ZNF766: variants seen among roughly 807,000 people sequenced by gnomAD.
The protein encoded by ZNF766 is zinc finger protein 766.
ZNF766 carries 13 observed loss-of-function variants against 13.2 expected under a neutral mutation model. That is an observed-to-expected ratio of 0.98 (90% confidence interval 0.64 to 1.56). The LOEUF (loss-of-function observed/expected upper bound fraction) is 1.56. Among genes scored for constraint, ZNF766 ranks in the 40% most tolerant of loss-of-function variants. The probability of loss-of-function intolerance (pLI) is 0.00; values close to 1 mark genes in which losing one functional copy is unlikely to be tolerated. For missense variants in ZNF766, 521 were observed against 552.2 expected (o/e 0.94, Z 0.57); for synonymous variants, 178 against 187.6 (o/e 0.95, Z 0.42).
chr19:52,270,010 T>G (rs1980905965), intron 1 of ZNF766, among the ~76,000 whole-genome samples: 1 of 152,170 alleles, frequency 6.6e-6, no homozygotes, highest in Non-Finnish European at 1.5e-5. Flanking sequence ...CCGCGTCCTC[T>G]GCCTGGTCTG....
chr19:52,283,250 T>C (rs377284999), intron 2 of ZNF766, 35 bp from the exon 3 acceptor site: 1 of 1,604,716 alleles, frequency 6.2e-7, no homozygotes, highest in African/African-American at 1.3e-5. Context: ...TTTGGAGACA[T>C]CACAGCACAT....
chr19:52,279,795 T>TC (rs1282583180), intron 1 of ZNF766, among the ~76,000 whole-genome samples: 4 of 135,514 alleles, frequency 3.0e-5, no homozygotes, highest in Non-Finnish European at 4.8e-5. Context: ...TTTTCTTTTT[T>TC]TTTTTTTTTT....
intron 1 of ZNF766, among the ~76,000 whole-genome samples, chr19:52,279,759 CTA>C (rs1368983964): frequency 1.6e-5 from 1 of 63,194 alleles, no homozygotes; most frequent in East Asian, 4.7e-4. Flanking sequence ...GTTCAAGTTT[CTA>C]TGTTTTTTTT....
Position 52,290,518 on chromosome 19 carries a change from T to TA in ZNF766, c.728dup (p.Tyr243Ter), listed in dbSNP as rs1213776861. ...GAGAATTCGTACAGGAGAGAAACCT[T>TA]ACAAATGTAAAGAGTGTGGCAAGCT... ...HWRIRTGEKP[Y>*]KCKECGKLFN... The change falls in exon 4 of 4, where the codon TAC becomes TAAC. Residue 243 changes from tyrosine (Y) to a stop codon, truncating the protein, a stop_gained and frameshift_variant. Transcript: ENST00000439461. LOFTEE classifies it low-confidence loss of function (END_TRUNC). 1 of 1,614,050 alleles carries TA rather than the reference T, an allele frequency of 6.2e-7. No homozygotes were observed. The highest frequency in any genetic ancestry group is 1.3e-5 in the African/African-American group (1 of 74,926).
chr19:52,280,753 T>C (rs1044994852), intron 1 of ZNF766, among the ~76,000 whole-genome samples: 5 of 151,886 alleles, frequency 3.3e-5, no homozygotes, highest in Non-Finnish European at 7.4e-5. Flanking sequence ...CAGCTAATTA[T>C]TATATTTTTA....
chr19:52,291,761 C>CA lies in ZNF766; in HGVS notation c.*578dup, dbSNP rs201865622. On this transcript the variant is annotated 3_prime_UTR_variant, in exon 4 of 4. Coordinates refer to ENST00000439461, the MANE Select transcript of ZNF766 (RefSeq NM_001010851.3). Reference sequence around the variant, plus strand: ...TGGGTGACAGAGCGAGACTCCGTCTCAAAAAAAAAAAAAAATTATTTGGGT... The same window carrying CA: ...TGGGTGACAGAGCGAGACTCCGTCTCAAAAAAAAAAAAAAAATTATTTGGGT... The CA allele has an allele frequency of 8.8e-3, 1,202 of 136,634 alleles. 7 individuals are homozygous for CA. Among genetic ancestry groups the CA allele is most frequent in the African/African-American group, 0.016 (551 of 35,248 alleles). 8.5% of individuals were successfully genotyped at this position (136,634 alleles called of 1,614,324 possible).
Position 52,291,488 on chromosome 19 carries a change from G to C in ZNF766, c.*290G>C, listed in dbSNP as rs145178801. ...TTAAAAATGTAATTGGCTGGGCGCA[G>C]TGGCTCACACCTGTAATCCTAGCAC... On this transcript the variant is annotated 3_prime_UTR_variant, in exon 4 of 4. Coordinates refer to ENST00000439461, the MANE Select transcript of ZNF766 (RefSeq NM_001010851.3). 2.8e-3 allele frequency: 813 copies of C among 290,050 alleles called. 10 individuals carry two copies. The highest frequency in any genetic ancestry group is 0.015 in the African/African-American group (707 of 46,052). The allele number at this position is 290,050 out of a possible 1,614,324, so 18.0% of individuals were successfully genotyped here. A position where few individuals can be genotyped will look rare whatever the true frequency, so the allele number is the denominator to read the frequency against.
chr19:52,284,382 G>C (rs1234206860), intron 3 of ZNF766, among the ~76,000 whole-genome samples: 2 of 152,156 alleles, frequency 1.3e-5, no homozygotes, highest in African/African-American at 4.8e-5. Flanking sequence ...ACAGGCTGCT[G>C]TCTTTTGCAT....
At chr19:52,286,035 C>T (rs1235713416) in intron 3 of ZNF766, among the ~76,000 whole-genome samples, 3 of 151,490 alleles carry the variant, frequency 2.0e-5, no homozygotes, top group Admixed American at 6.6e-5. Context: ...GGATGTGCAC[C>T]CAGTCAGTAA....
intron 3 of ZNF766, chr19:52,288,137 C>T (rs964170374): frequency 6.2e-6 from 2 of 322,412 alleles, no homozygotes; most frequent in African/African-American, 2.3e-5. Flanking sequence ...TCTCCTGCCT[C>T]AGCCTCCCAA....
Position 52,290,078 on chromosome 19 carries a change from C to A in ZNF766, c.287C>A (p.Ala96Glu), listed in dbSNP as rs780232217. The A allele has an allele frequency of 6.2e-7, 1 of 1,609,716 alleles. No homozygotes were observed. The highest frequency in any genetic ancestry group is 1.7e-5 in the Admixed American group (1 of 59,610). The change falls in exon 4 of 4, where the codon GCA becomes GAA. Residue 96 changes from alanine to glutamate, a missense_variant. Physicochemically the swap from Ala to Glu is moderately radical, Grantham distance 107 (BLOSUM62 -1). Coordinates refer to ENST00000439461, the MANE Select transcript of ZNF766 (RefSeq NM_001010851.3). The stretch of plus-strand genomic sequence containing the variant: ...CTTGCTTTCCTAGGGAGGAGCTGTG[C>A]AGTGAGAAGCAAAGCAGGAAACAAG... ...IKDINTGRSC[A>E]VRSKAGNKPI... is the part of the protein sequence containing the mutation.
At chr19:52,286,897 T>G (rs55739718) in intron 3 of ZNF766, among the ~76,000 whole-genome samples, 12,957 of 152,148 alleles carry the variant, frequency 0.085, 1,217 homozygotes, top group African/African-American at 0.23. Flanking sequence ...GTGCAGTGGC[T>G]TGATCTCGGC....
chr19:52,291,552 T>C lies in ZNF766; in HGVS notation c.*354T>C, dbSNP rs188175181. ...GGCAGGTGGATCACAAGGTCAGGAGTTTGAGACCAGCCTGGCCAATATGGT... is the reference window on the plus strand; with the variant it reads ...GGCAGGTGGATCACAAGGTCAGGAGCTTGAGACCAGCCTGGCCAATATGGT... On this transcript the variant is annotated 3_prime_UTR_variant, in exon 4 of 4. Coordinates refer to ENST00000439461, the MANE Select transcript of ZNF766 (RefSeq NM_001010851.3). The C allele has an allele frequency of 2.1e-4, 41 of 191,918 alleles. No individual in the cohort carries two copies. In the East Asian group the frequency reaches 5.3e-3, roughly 25 times the overall value. 11.9% of individuals were successfully genotyped at this position (191,918 alleles called of 1,614,324 possible). A position where few individuals can be genotyped will look rare whatever the true frequency, so the allele number is the denominator to read the frequency against.
chr19:52,283,940 G>A (rs963999259), intron 3 of ZNF766, among the ~76,000 whole-genome samples: 1 of 152,200 alleles, frequency 6.6e-6, no homozygotes, highest in Non-Finnish European at 1.5e-5. Context: ...GTTTCACCTT[G>A]TTAGCCAGGA....
intron 3 of ZNF766, among the ~76,000 whole-genome samples, chr19:52,289,362 G>A (rs1391913566): frequency 1.3e-5 from 2 of 151,308 alleles, no homozygotes; most frequent in African/African-American, 2.4e-5. Flanking sequence ...ATTTTGGCCA[G>A]GCTGGTCTCG....
rs189077769 is a variant in ZNF766, at chr19:52,287,017, T to G, written c.275-3049T>G. On this transcript the variant is annotated intron_variant, in intron 3 of 3. Transcript: ENST00000439461. ...TGCCCGGATAACTTTTATATTTTAATAGAGACAGTGTTTCACTATGTTGGC... is the reference window on the plus strand; with the variant it reads ...TGCCCGGATAACTTTTATATTTTAAGAGAGACAGTGTTTCACTATGTTGGC... Among the ~76,000 whole-genome samples, 195 of 152,062 alleles carry G rather than the reference T, an allele frequency of 1.3e-3. 1 individual carries two copies. The highest frequency in any genetic ancestry group is 1.6e-3 in the Non-Finnish European group (110 of 67,970).
intron 1 of ZNF766, among the ~76,000 whole-genome samples, chr19:52,271,081 C>T (rs939620417): frequency 6.6e-6 from 1 of 152,168 alleles, no homozygotes; most frequent in Non-Finnish European, 1.5e-5. Flanking sequence ...CCACCTTGCC[C>T]GGCCTCCTCA....
chr19:52,288,311 G>A (rs60105255), intron 3 of ZNF766, among the ~76,000 whole-genome samples: 20 of 151,398 alleles, frequency 1.3e-4, no homozygotes, highest in East Asian at 3.9e-4. Context: ...GTAAGCCACC[G>A]TGCCTGGTCG....
Position 52,290,145 on chromosome 19 carries a change from G to A in ZNF766, c.354G>A (p.Leu118=). The A allele has an allele frequency of 6.2e-7, 1 of 1,614,138 alleles. No individual in the cohort carries two copies. The highest frequency in any genetic ancestry group is 8.5e-7 in the Non-Finnish European group (1 of 1,179,984). The change falls in exon 4 of 4, where the codon CTG becomes CTA. Residue 118 remains leucine, a synonymous_variant. Transcript: ENST00000439461. ...TTGGATTAACCTTTCAGTTACCTCTGCCAGAACTGGAGATATTTCAAGGTG... is the reference window on the plus strand; with the variant it reads ...TTGGATTAACCTTTCAGTTACCTCTACCAGAACTGGAGATATTTCAAGGTG... The part of the protein sequence containing the change: ...NQLGLTFQLP[L]PELEIFQGEG...
Sources: allele counts gnomAD v4.1 joint callset (sites outside exome capture counted in the v4.1 genomes callset), GRCh38; gene constraint gnomAD v4.1.1; transcripts MANE v1.5; gene names NCBI Gene and HGNC (gene_info 2026-07-23, HGNC 2026-07-21).